The following MYO9B variants were observed in gnomAD, a reference collection of about 807,000 sequenced individuals.
The protein encoded by MYO9B is myosin IXB.
In MYO9B, 71 loss-of-function variants were observed where a neutral mutation model predicts 229.5. That is an observed-to-expected ratio of 0.31 (90% CI 0.26 to 0.38). The LOEUF (loss-of-function observed/expected upper bound fraction) is 0.38. Ranked by LOEUF, MYO9B falls within the 10% of genes least tolerant of loss-of-function variation. The probability of loss-of-function intolerance (pLI) is 1.00; values close to 1 mark genes in which losing one functional copy is unlikely to be tolerated. For synonymous variants in MYO9B, 1,185 were observed against 1,235.8 expected (o/e 0.96, Z 0.86); for missense variants, 2,255 against 2,920.5 (o/e 0.77, Z 5.25).
At chr19:17,109,894 G>T (rs1453510947) in intron 2 of MYO9B, among the ~76,000 whole-genome samples, 2 of 152,182 alleles carry the variant, frequency 1.3e-5, no homozygotes, top group African/African-American at 4.8e-5. Flanking sequence ...GGTTCTGGGG[G>T]TAAGGACTTA....
At chr19:17,181,434 G>C (rs1376695023) in intron 15 of MYO9B, among the ~76,000 whole-genome samples, 1 of 152,240 alleles carries the variant, frequency 6.6e-6, no homozygotes, top group Non-Finnish European at 1.5e-5. Context: ...TTCCCAGAGA[G>C]GGTGGCCCTG....
chr19:17,181,108 CG>C, intron 15 of MYO9B, 68 bp downstream of exon 15: 2 of 1,141,074 alleles, frequency 1.8e-6, no homozygotes, highest in Non-Finnish European at 2.6e-6. Context: ...GCGACCCCGG[CG>C]GGGCCTGCAG....
chr19:17,107,370 C>T (rs2057802458), intron 2 of MYO9B, among the ~76,000 whole-genome samples: 1 of 152,136 alleles, frequency 6.6e-6, no homozygotes, highest in Admixed American at 6.5e-5. Context: ...ACGCCCAGCC[C>T]CAGGGTCTCA....
chr19:17,153,898 A>T, intron 4 of MYO9B, 69 bp from the exon 5 acceptor site: 2 of 1,107,908 alleles, frequency 1.8e-6, no homozygotes, highest in South Asian at 1.2e-5. Context: ...CCATGTTAGT[A>T]GTGGTTCGCA....
intron 3 of MYO9B, 133 bp from the exon 4 acceptor site, chr19:17,152,511 C>T (rs1246828734): frequency 9.2e-6 from 6 of 652,658 alleles, no homozygotes; most frequent in African/African-American, 1.9e-5. Flanking sequence ...TGCAGTGAGC[C>T]GAGATTGTGC....
At chr19:17,159,597 AC>A (rs2072575830) in intron 8 of MYO9B, 113 bp downstream of exon 8, 1 of 956,382 alleles carries the variant, frequency 1.0e-6, no homozygotes, top group Admixed American at 2.1e-5. Flanking sequence ...CTAGAATGGA[AC>A]CTAGGCAGTG....
intron 28 of MYO9B, among the ~76,000 whole-genome samples, chr19:17,202,590 T>A (rs2073119570): frequency 6.6e-6 from 1 of 152,202 alleles, no homozygotes; most frequent in Non-Finnish European, 1.5e-5. Context: ...CATGATTACA[T>A]GCCATGCCCA....
Position 17,195,539 on chromosome 19 carries a change from G to A in MYO9B, c.4046+66G>A, listed in dbSNP as rs746880160. 29 of 1,518,790 alleles carry A rather than the reference G, an allele frequency of 1.9e-5. No homozygotes were observed. The highest frequency in any genetic ancestry group is 2.4e-5 in the Non-Finnish European group (27 of 1,132,732). 94.1% of individuals were successfully genotyped at this position (1,518,790 alleles called of 1,614,324 possible). On this transcript the variant is annotated intron_variant, in intron 22 of 39. Transcript: ENST00000682292. The surrounding 1 kb of genome is among the most constrained non-coding windows in gnomAD (Gnocchi z 4.5). ...GGCCAGGTGGGCAAGGCCAGGGGCA[G>A]TGCCACACATCCTGGAAACACATGT...
intron 14 of MYO9B, chr19:17,180,715 C>A: frequency 1.9e-6 from 1 of 524,142 alleles, no homozygotes. Flanking sequence ...CAAAGCCCTG[C>A]CCCGCTCCAG....
rs540626120 is a variant in MYO9B at position 17,175,863 on chromosome 19, G to A, written c.2219+122G>A. On this transcript the variant is annotated intron_variant, in intron 14 of 39. Transcript: ENST00000682292. ...TTTTTTTCTTTTGAGATGGAATTTC[G>A]CTCTTGTTGCCCAGGCTGGAGTGCA... 2.6e-4 allele frequency: 200 copies of A among 775,374 alleles called. 1 individual carries two copies. The South Asian group carries it at 3.3e-3, about 13-fold the overall frequency. 48.0% of individuals were successfully genotyped at this position (775,374 alleles called of 1,614,324 possible).
At chr19:17,076,547 A>T (rs936589942) in intron 1 of MYO9B, among the ~76,000 whole-genome samples, 9 of 152,054 alleles carry the variant, frequency 5.9e-5, no homozygotes, top group African/African-American at 2.2e-4. Flanking sequence ...GGCCCCGTGC[A>T]GATAGATGTT....
chr19:17,117,140 A>G (rs1258667580), intron 2 of MYO9B, among the ~76,000 whole-genome samples: 2 of 152,144 alleles, frequency 1.3e-5, no homozygotes, highest in Non-Finnish European at 2.9e-5. Flanking sequence ...TTACTGCTCC[A>G]GGGTTATGGA....
intron 4 of MYO9B, among the ~76,000 whole-genome samples, chr19:17,153,399 AAG>A (rs1555698339): frequency 6.6e-6 from 1 of 151,062 alleles, no homozygotes; most frequent in Non-Finnish European, 1.5e-5. Flanking sequence ...AAAAAAAAAA[AAG>A]AAAGGCCTGG....
At chr19:17,116,714 G>A (rs139874111) in intron 2 of MYO9B, among the ~76,000 whole-genome samples, 23 of 152,212 alleles carry the variant, frequency 1.5e-4, no homozygotes, top group Non-Finnish European at 2.6e-4. Flanking sequence ...CCGCAGAGAG[G>A]CCGCTCCAAG....
At position 17,211,918 on chromosome 19, in the gene MYO9B, T is replaced by C. The variant is rs2073233997; in HGVS notation, c.6082T>C (p.Cys2028Arg). ...AGGGCCCCCTGCGCCTGCTCTCCCT[T>C]GCCCCGGCGCGCCCACCCCGAGCCC... Reference protein sequence around the residue: ...SEGPPAPALPCPGAPTPSPLP... With the variant: ...SEGPPAPALPRPGAPTPSPLP... The change falls in exon 40 of 40, where the codon TGC becomes CGC. Residue 2028 changes from cysteine to arginine, a missense_variant. By Grantham distance (180) the Cys-to-Arg change is radical. Transcript: ENST00000682292. 6.3e-7 allele frequency: 1 copy of C among 1,579,972 alleles called. No homozygotes were observed. The highest frequency in any genetic ancestry group is 8.6e-7 in the Non-Finnish European group (1 of 1,162,688).
chr19:17,174,472 TA>T (rs368565728), intron 13 of MYO9B, among the ~76,000 whole-genome samples: 2,575 of 152,166 alleles, frequency 0.017, 83 homozygotes, highest in African/African-American at 0.059. Flanking sequence ...CCATCTCTAC[TA>T]AAAATGCAAA....
At chr19:17,190,970 T>G (rs2072978151) in intron 19 of MYO9B, 127 bp from the exon 20 acceptor site, 2 of 1,040,514 alleles carry the variant, frequency 1.9e-6, no homozygotes, top group Admixed American at 5.6e-5. Flanking sequence ...AGCCTGAAAT[T>G]TTAGATTTGT....
intron 1 of MYO9B, among the ~76,000 whole-genome samples, chr19:17,076,767 C>G (rs1246895269): frequency 6.6e-6 from 1 of 152,136 alleles, no homozygotes; most frequent in East Asian, 1.9e-4. Context: ...ACCTCAGGGC[C>G]GGTTGTGGGG....
rs562179495 is a variant in MYO9B at position 17,172,992 on chromosome 19, G to T, written c.2140+29G>T. The T allele has an allele frequency of 6.3e-7, 1 of 1,592,476 alleles. No individual in the cohort carries two copies. The highest frequency in any genetic ancestry group is 2.2e-5 in the East Asian group (1 of 44,710). On this transcript the variant is annotated intron_variant, in intron 13 of 39. Transcript: ENST00000682292. This position sits in a 1 kb window ranked among gnomAD's most constrained non-coding sequence, Gnocchi z 8.2. ...GGAGCTGGGGCGTGAACCCACAAAA[G>T]CGTCACTGTCGAGAGGGGGGCACAT...
Sources: gnomAD v4.1 joint callset for allele counts (sites outside exome capture counted in the v4.1 genomes callset) on GRCh38, gnomAD v4.1.1 for gene constraint, Gnocchi (gnomAD v3.1) non-coding constraint, MANE v1.5 for transcripts, NCBI Gene and HGNC (gene_info 2026-07-23, HGNC 2026-07-21) for gene names.